Variants in ANKFN1 observed in about 807,000 individuals in gnomAD.
ANKFN1 encodes ankyrin repeat and fibronectin type III domain containing 1.
ANKFN1 carries 74 observed loss-of-function variants against 108.7 expected under a neutral mutation model. The observed-to-expected ratio is 0.68, with a 90% CI of 0.56 to 0.83. ANKFN1 has a LOEUF of 0.83. ANKFN1 is among the 40% of genes least tolerant of loss of function. The pLI, the probability that ANKFN1 is intolerant of heterozygous loss-of-function variation, is 0.00. For missense variants in ANKFN1, 1,505 were observed against 1,382.3 expected, an observed-to-expected ratio of 1.09 and a Z score of -1.41; for synonymous variants, 547 against 516.2, an observed-to-expected ratio of 1.06 and a Z score of -0.81.
At chr17:56,251,435 A>G (rs1456802760) in intron 3 of ANKFN1, among the ~76,000 whole-genome samples, 1 of 152,236 alleles carries the variant, frequency 6.6e-6, no homozygotes, top group African/African-American at 2.4e-5. Flanking sequence ...ATGAAATCTT[A>G]TTAAAGTGCA....
chr17:56,215,466 T>C (rs1409735106), intron 2 of ANKFN1, among the ~76,000 whole-genome samples: 2 of 152,042 alleles, frequency 1.3e-5, no homozygotes, highest in African/African-American at 2.4e-5. Flanking sequence ...CAACTTAGAA[T>C]AGGGGTCCAG....
upstream of ANKFN1, among the ~76,000 whole-genome samples, chr17:56,151,266 T>G (rs1035851547): frequency 6.6e-6 from 1 of 152,184 alleles, no homozygotes; most frequent in African/African-American, 2.4e-5. Flanking sequence ...TCCCTTTGGT[T>G]GGAATCTTCC....
chr17:56,474,193 AT>A (rs1296619596), intron 15 of ANKFN1, among the ~76,000 whole-genome samples: 1 of 152,172 alleles, frequency 6.6e-6, no homozygotes, highest in African/African-American at 2.4e-5. Flanking sequence ...CTCAGGACCA[AT>A]CCCTACTGGA....
At chr17:56,142,316 G>T (rs1482172991) in intron 4 of ANKFN1, among the ~76,000 whole-genome samples, 1 of 152,106 alleles carries the variant, frequency 6.6e-6, no homozygotes, top group African/African-American at 2.4e-5. Flanking sequence ...TTGTCAACTG[G>T]GTGGAAACGA....
At position 56,515,286 on chromosome 17, in the gene ANKFN1, A is replaced by G. The variant is rs2051888218; in HGVS notation, c.*4017A>G. On this transcript the variant is annotated 3_prime_UTR_variant, in exon 21 of 21. Coordinates refer to ENST00000682825, the MANE Select transcript of ANKFN1 (RefSeq NM_001370326.1). ...GTGCTTATTAAGCTATCACATACCAATTAGAGAAGGTAGCTGTAGATTAAC... is the reference window on the plus strand; with the variant it reads ...GTGCTTATTAAGCTATCACATACCAGTTAGAGAAGGTAGCTGTAGATTAAC... Among the ~76,000 whole-genome samples, 1 of 152,206 alleles carries G rather than the reference A, an allele frequency of 6.6e-6. No individual in the cohort carries two copies. The highest frequency in any genetic ancestry group is 1.5e-5 in the Non-Finnish European group (1 of 68,036).
At chr17:56,210,026 C>T (rs2143805252) in intron 1 of ANKFN1, among the ~76,000 whole-genome samples, 2 of 151,212 alleles carry the variant, frequency 1.3e-5, no homozygotes, top group East Asian at 3.9e-4. Flanking sequence ...GAGTAGTATT[C>T]CATGATATGT....
At chr17:56,342,367 C>A (rs2045981984) in intron 4 of ANKFN1, among the ~76,000 whole-genome samples, 1 of 151,210 alleles carries the variant, frequency 6.6e-6, no homozygotes. Context: ...GCTCTTGGTT[C>A]TCTAGGTTTT....
At chr17:56,101,838 C>T (rs1319835245) in intron 4 of ANKFN1, among the ~76,000 whole-genome samples, 1 of 152,190 alleles carries the variant, frequency 6.6e-6, no homozygotes, top group African/African-American at 2.4e-5. Flanking sequence ...ATTTAAAATG[C>T]AGATTCTGGG....
intron 4 of ANKFN1, among the ~76,000 whole-genome samples, chr17:56,096,385 A>G (rs1212797660): frequency 6.6e-6 from 1 of 152,176 alleles, no homozygotes; most frequent in African/African-American, 2.4e-5. Context: ...AGTCCTAGAG[A>G]TGAAATTTGA....
chr17:56,203,010 C>T (rs1307914002), intron 1 of ANKFN1, among the ~76,000 whole-genome samples: 1 of 152,110 alleles, frequency 6.6e-6, no homozygotes, highest in Non-Finnish European at 1.5e-5. Flanking sequence ...TTTTAGATTT[C>T]TGTGGTATCT....
intron 1 of ANKFN1, among the ~76,000 whole-genome samples, chr17:56,182,982 G>A (rs548209472): frequency 4.6e-5 from 7 of 152,248 alleles, no homozygotes; most frequent in South Asian, 2.1e-4. Context: ...TACAGCATAC[G>A]GTTTACTGAA....
intron 3 of ANKFN1, among the ~76,000 whole-genome samples, chr17:56,315,031 T>G (rs1197017112): frequency 1.3e-5 from 2 of 152,226 alleles, no homozygotes. Context: ...CCCTTCTTGT[T>G]CAGGTGCAAA....
At chr17:56,304,441 C>G (rs4794632) in intron 3 of ANKFN1, among the ~76,000 whole-genome samples, 16,765 of 150,584 alleles carry the variant, frequency 0.11, 978 homozygotes, top group African/African-American at 0.17. Flanking sequence ...ATGAATAAGG[C>G]TTTAATAAAC....
intron 1 of ANKFN1, chr17:56,185,033 G>C (rs1314944875): frequency 6.6e-6 from 1 of 152,152 alleles, no homozygotes; most frequent in African/African-American, 2.4e-5. Flanking sequence ...CCATTTCATG[G>C]GTGAATTTGT....
Position 56,265,722 on chromosome 17 carries a change from A to G in ANKFN1, c.53+37765A>G, listed in dbSNP as rs190013088. On this transcript the variant is annotated intron_variant, in intron 3 of 20. Transcript: ENST00000682825. ...ATATAAAATGGCATAGTATTTGCAT[A>G]TAACATATACACATCCTCTTATTTA... Among the ~76,000 whole-genome samples the G allele has an allele frequency of 1.6e-3, 242 of 152,360 alleles. 1 individual carries two copies. Among genetic ancestry groups the G allele is most frequent in the African/African-American group, 5.6e-3 (234 of 41,584 alleles).
chr17:56,210,538 C>A (rs1914906296), intron 1 of ANKFN1, among the ~76,000 whole-genome samples: 1 of 152,070 alleles, frequency 6.6e-6, no homozygotes, highest in African/African-American at 2.4e-5. Flanking sequence ...TGTATATCTT[C>A]TTTTGACAAA....
chr17:56,272,333 A>C (rs1289442676), intron 3 of ANKFN1, among the ~76,000 whole-genome samples: 3 of 152,198 alleles, frequency 2.0e-5, no homozygotes, highest in Admixed American at 2.0e-4. Context: ...GTTCCTGGGA[A>C]CCACAATTCT....
At chr17:56,421,541 G>C (rs1056399199) in intron 8 of ANKFN1, among the ~76,000 whole-genome samples, 1 of 152,108 alleles carries the variant, frequency 6.6e-6, no homozygotes, top group Non-Finnish European at 1.5e-5. Flanking sequence ...AAGAAACTTG[G>C]CCATCATGGC....
intron 3 of ANKFN1, among the ~76,000 whole-genome samples, chr17:56,272,187 G>A (rs1431172629): frequency 6.6e-6 from 1 of 152,064 alleles, no homozygotes; most frequent in African/African-American, 2.4e-5. Context: ...CACTTCAAAT[G>A]CACCGTTCAG....
Sources: gnomAD v4.1 joint callset for allele counts (sites outside exome capture counted in the v4.1 genomes callset) on GRCh38, gnomAD v4.1.1 for gene constraint, MANE v1.5 for transcripts, NCBI Gene and HGNC (gene_info 2026-07-23, HGNC 2026-07-21) for gene names.